Variants in CLASP1 observed in about 807,000 individuals in gnomAD.
CLASP1 encodes the protein CLIP-associating protein 1.
A neutral mutation model predicts 192.3 loss-of-function variants in CLASP1; 38 were observed. That is an observed-to-expected ratio of 0.20 (90% confidence interval 0.15 to 0.26). The LOEUF (loss-of-function observed/expected upper bound fraction) is 0.26, where lower values mean the gene tolerates loss of function less well. CLASP1 is among the 10% of genes least tolerant of loss of function. CLASP1 has a pLI of 1.00. For missense variants in CLASP1, 1,433 were observed against 1,932.5 expected (o/e 0.74, Z 4.85); for synonymous variants, 691 against 712.8 (o/e 0.97, Z 0.49).
intron 34 of CLASP1, among the ~76,000 whole-genome samples, chr2:121,374,066 C>T (rs1162521464): frequency 6.6e-6 from 1 of 152,252 alleles, no homozygotes; most frequent in African/African-American, 2.4e-5. Flanking sequence ...TTGGCAGCCC[C>T]TCCCATCACA....
At chr2:121,470,400 C>T in intron 8 of CLASP1, 1 of 438,158 alleles carries the variant, frequency 2.3e-6, no homozygotes, top group Non-Finnish European at 4.4e-6. Context: ...AGCCACTGTA[C>T]TTGGTCACCT....
chr2:121,407,678 A>T, exon 25 of CLASP1: 2 of 1,613,934 alleles, frequency 1.2e-6, no homozygotes, highest in Non-Finnish European at 8.5e-7. Flanking sequence ...GTCAGAATAC[A>T]TCCCATACGG....
At chr2:121,406,974 T>G (rs1166757495) in intron 25 of CLASP1, among the ~76,000 whole-genome samples, 1 of 152,110 alleles carries the variant, frequency 6.6e-6, no homozygotes, top group Non-Finnish European at 1.5e-5. Flanking sequence ...GCCCAGCACT[T>G]TGGGGGGCAA....
At chr2:121,446,973 T>TG (rs544036975) in intron 19 of CLASP1, among the ~76,000 whole-genome samples, 70 of 152,232 alleles carry the variant, frequency 4.6e-4, no homozygotes, top group Non-Finnish European at 9.1e-4. Flanking sequence ...CTGAACCTGC[T>TG]GGCTCTGCTC....
chr2:121,401,684 T>A lies in CLASP1; in HGVS notation c.2737-12A>T. 1 of 1,603,662 alleles carries A rather than the reference T, an allele frequency of 6.2e-7. No individual in the cohort carries two copies. The highest frequency in any genetic ancestry group is 2.2e-5 in the East Asian group (1 of 44,790). ...AACATACTGAAAACCTAGACACAAA[T>A]GAAAACCAAGTAGTTCACATATTGA... On this transcript the variant is annotated splice_polypyrimidine_tract_variant and intron_variant, in intron 27 of 39. Transcript: ENST00000263710.
chr2:121,444,783 C>G (rs2084023271), intron 19 of CLASP1, among the ~76,000 whole-genome samples: 2 of 152,088 alleles, frequency 1.3e-5, no homozygotes, highest in South Asian at 4.1e-4. Context: ...GGGCAAAAAC[C>G]CAATGGCGAC....
At chr2:121,408,510 T>C (rs921412719) in intron 24 of CLASP1, among the ~76,000 whole-genome samples, 4 of 152,148 alleles carry the variant, frequency 2.6e-5, no homozygotes, top group Admixed American at 6.5e-5. Flanking sequence ...ACAAAACAAA[T>C]AGCGATTGGC....
At chr2:121,385,083 TA>T (rs1298084832) in intron 32 of CLASP1, among the ~76,000 whole-genome samples, 2 of 152,218 alleles carry the variant, frequency 1.3e-5, no homozygotes, top group Non-Finnish European at 2.9e-5. Context: ...GTAGTCTCCT[TA>T]AATGAGGTAA....
intron 38 of CLASP1, among the ~76,000 whole-genome samples, chr2:121,348,083 C>T (rs2063700131): frequency 6.6e-6 from 1 of 151,984 alleles, no homozygotes; most frequent in Admixed American, 6.6e-5. Flanking sequence ...TGCTTTATGC[C>T]AGTCTGTCTC....
In CLASP1 at chr2:121,451,818, G is replaced by A; in HGVS notation, c.1417C>T (p.Gln473Ter). The change falls in exon 15 of 40, where the codon CAA becomes TAA. Residue 473 changes from glutamine (Q) to a stop codon, truncating the protein, a stop_gained. Coordinates refer to ENST00000263710, the Ensembl canonical transcript of CLASP1. LOFTEE classifies it high-confidence loss of function. Reference sequence around the variant, plus strand: ...TCTAGTGAATGTGTCTGCCATTCTTGTAAAAGCAAATCTAAAAATTCAAAA... The same window carrying A: ...TCTAGTGAATGTGTCTGCCATTCTTATAAAAGCAAATCTAAAAATTCAAAA... 1 of 1,574,786 alleles carries A rather than the reference G, an allele frequency of 6.4e-7. No homozygotes were observed. The highest frequency in any genetic ancestry group is 8.6e-7 in the Non-Finnish European group (1 of 1,159,030).
intron 8 of CLASP1, among the ~76,000 whole-genome samples, chr2:121,500,334 G>A (rs1248025546): frequency 8.1e-6 from 1 of 123,492 alleles, no homozygotes; most frequent in Non-Finnish European, 1.7e-5. Context: ...GAGAAAGAAG[G>A]AAAGAAAGAA....
In CLASP1 at chr2:121,447,513, G is replaced by A. The variant is rs1452136561; in HGVS notation, c.1742-6C>T. On this transcript the variant is annotated splice_region_variant and splice_polypyrimidine_tract_variant and intron_variant, in intron 18 of 39. Transcript: ENST00000263710. Reference sequence around the variant, plus strand: ...TTTGGTACTAACTGTAGAAGCTTTAGTGATAAAGGAGGAAATATGAATAAG... The same window carrying A: ...TTTGGTACTAACTGTAGAAGCTTTAATGATAAAGGAGGAAATATGAATAAG... 6.5e-7 allele frequency: 1 copy of A among 1,548,688 alleles called. No homozygotes were observed. The highest frequency in any genetic ancestry group is 8.7e-7 in the Non-Finnish European group (1 of 1,144,864).
chr2:121,596,936 T>C lies in CLASP1; in HGVS notation c.195+8765A>G, dbSNP rs564370531. Among the ~76,000 whole-genome samples, 3 of 152,318 alleles carry C rather than the reference T, an allele frequency of 2.0e-5. No individual in the cohort carries two copies. In the South Asian group the frequency reaches 6.2e-4, roughly 32 times the overall value. ...AGAAGAAAAGGAAGCTCTGGGTTAA[T>C]AGGGAACCCACAAATTTCAAATATA... is the stretch of plus-strand genomic sequence containing the variant. On this transcript the variant is annotated intron_variant, in intron 2 of 39. Transcript: ENST00000263710.
At chr2:121,342,408 G>A (rs775792793) in intron 39 of CLASP1, among the ~76,000 whole-genome samples, 33 of 152,058 alleles carry the variant, frequency 2.2e-4, no homozygotes, top group Non-Finnish European at 4.4e-4. Flanking sequence ...GTGAGCCACC[G>A]CACCTAGCCT....
chr2:121,581,317 G>A (rs193284716), intron 2 of CLASP1, among the ~76,000 whole-genome samples: 2,582 of 127,402 alleles, frequency 0.02, 40 homozygotes, highest in Middle Eastern at 0.04. Flanking sequence ...GCCCAGGCCG[G>A]ACTGCGGACT....
chr2:121,597,259 TA>T (rs1217322968), intron 2 of CLASP1, among the ~76,000 whole-genome samples: 2 of 152,236 alleles, frequency 1.3e-5, no homozygotes, highest in Non-Finnish European at 2.9e-5. Context: ...CCTCATATGG[TA>T]ATTACAATTT....
exon 22 of CLASP1, chr2:121,425,243 C>A (rs1347886531): frequency 1.2e-6 from 2 of 1,613,062 alleles, no homozygotes; most frequent in Admixed American, 3.3e-5. Flanking sequence ...TCGTGAGGAG[C>A]CCCCAGTAAG....
intron 2 of CLASP1, among the ~76,000 whole-genome samples, chr2:121,540,766 A>G (rs959747347): frequency 2.0e-5 from 3 of 150,460 alleles, no homozygotes; most frequent in Non-Finnish European, 4.4e-5. Flanking sequence ...CAGCCTGTGC[A>G]ACAGAGTGAG....
chr2:121,589,752 A>C (rs375088207), intron 2 of CLASP1, among the ~76,000 whole-genome samples: 6 of 152,278 alleles, frequency 3.9e-5, no homozygotes, highest in African/African-American at 9.6e-5. Flanking sequence ...CTTGGAAAAA[A>C]GAGTGGAATA....
Sources: gnomAD v4.1 joint callset for allele counts (sites outside exome capture counted in the v4.1 genomes callset) on GRCh38, gnomAD v4.1.1 for gene constraint, MANE v1.5 for transcripts, NCBI Gene and HGNC (gene_info 2026-07-23, HGNC 2026-07-21) for gene names.